Variants in JAK2 observed in about 807,000 individuals in gnomAD.
The protein encoded by JAK2 is Janus kinase 2, also known as tyrosine-protein kinase JAK2.
In JAK2, 86 loss-of-function variants were observed where a neutral mutation model predicts 139.3. That is an observed-to-expected ratio of 0.62 (90% CI 0.52 to 0.74). The LOEUF (loss-of-function observed/expected upper bound fraction) is 0.74, where lower values mean the gene tolerates loss of function less well. JAK2 is among the 30% of genes least tolerant of loss of function. The probability of loss-of-function intolerance (pLI) is 0.00; values close to 1 mark genes in which losing one functional copy is unlikely to be tolerated. For synonymous variants in JAK2, 490 were observed against 437.7 expected, an observed-to-expected ratio of 1.12 and a Z score of -1.49; for missense variants, 1,421 against 1,360.3, an observed-to-expected ratio of 1.04 and a Z score of -0.70.
At chr9:5,111,069 G>C (rs1564014590) in intron 22 of JAK2, 2 of 1,205,824 alleles carry the variant, frequency 1.7e-6, no homozygotes, top group Non-Finnish European at 2.3e-6. Context: ...TTGAGAACTG[G>C]CCCAGCTCAG....
intron 19 of JAK2, among the ~76,000 whole-genome samples, chr9:5,087,292 CAGG>C (rs1820201479): frequency 6.6e-6 from 1 of 152,138 alleles, no homozygotes; most frequent in South Asian, 2.1e-4. Context: ...TGAGTGCCAG[CAGG>C]AGAAATGCCA....
chr9:5,034,643 G>A (rs1369228348), intron 4 of JAK2, among the ~76,000 whole-genome samples: 5 of 151,836 alleles, frequency 3.3e-5, no homozygotes, highest in Non-Finnish European at 7.4e-5. Context: ...TGACTACTGG[G>A]TACATAACGA....
At chr9:5,115,960 G>C (rs912536952) in intron 22 of JAK2, among the ~76,000 whole-genome samples, 3 of 151,950 alleles carry the variant, frequency 2.0e-5, no homozygotes, top group African/African-American at 7.2e-5. Flanking sequence ...TAATGTAGTT[G>C]ATGGGTTGAT....
At chr9:5,044,584 C>A in intron 5 of JAK2, 64 bp downstream of exon 5, 2 of 1,036,164 alleles carry the variant, frequency 1.9e-6, no homozygotes, top group Non-Finnish European at 2.8e-6. Context: ...TTTAATAAGT[C>A]ACTTAATCAG....
At chr9:4,988,069 G>A (rs1360602295) in intron 2 of JAK2, among the ~76,000 whole-genome samples, 3 of 152,168 alleles carry the variant, frequency 2.0e-5, no homozygotes, top group Admixed American at 2.0e-4. Flanking sequence ...AACCCCCATT[G>A]TGTTGCCCCT....
In JAK2 at chr9:5,128,080, TTG is replaced by T. The variant is rs139964957; in HGVS notation, c.*1329_*1330del. On this transcript the variant is annotated 3_prime_UTR_variant, in exon 25 of 25. Transcript: ENST00000381652. ...TAGCTAAAATAAAATATGGTGGGTT[TTG>T]TGTGTGTGTGTGTGTGTGTGTGTGT... 66,305 of 222,870 alleles carry T rather than the reference TTG, an allele frequency of 0.3. 6,959 individuals carry two copies. Among genetic ancestry groups the T allele is most frequent in the East Asian group, 0.35 (5,603 of 16,142 alleles). 13.8% of individuals were successfully genotyped at this position (222,870 alleles called of 1,614,324 possible).
intron 2 of JAK2, among the ~76,000 whole-genome samples, chr9:5,015,625 C>T (rs1455675112): frequency 1.3e-5 from 2 of 151,644 alleles, no homozygotes; most frequent in South Asian, 2.1e-4. Context: ...ACTGCGGCCT[C>T]GGTCTCCTGG....
intron 2 of JAK2, among the ~76,000 whole-genome samples, chr9:5,001,549 G>A (rs1299616984): frequency 6.6e-6 from 1 of 151,908 alleles, no homozygotes; most frequent in Admixed American, 6.6e-5. Flanking sequence ...CTTGGTGATG[G>A]TGTTCTGACC....
At chr9:5,034,002 C>A (rs560043399) in intron 4 of JAK2, among the ~76,000 whole-genome samples, 2 of 152,116 alleles carry the variant, frequency 1.3e-5, no homozygotes, top group Non-Finnish European at 1.5e-5. Context: ...ACCCATCTCA[C>A]GTGCAGAGAC....
intron 4 of JAK2, 23 bp from the exon 5 acceptor site, chr9:5,044,380 C>T: frequency 6.8e-7 from 1 of 1,472,112 alleles, no homozygotes. Context: ...GGAAGCTGAC[C>T]AAATGTTTTT....
intron 9 of JAK2, among the ~76,000 whole-genome samples, chr9:5,066,417 A>C (rs1469954878): frequency 6.6e-6 from 1 of 152,046 alleles, no homozygotes; most frequent in Non-Finnish European, 1.5e-5. Context: ...CAAATGAACA[A>C]ATTGTTCTTT....
At chr9:4,995,133 T>C (rs760459054) in intron 2 of JAK2, among the ~76,000 whole-genome samples, 1 of 152,220 alleles carries the variant, frequency 6.6e-6, no homozygotes, top group Non-Finnish European at 1.5e-5. Flanking sequence ...ACGTGAAAAA[T>C]AGAATCTCAT....
In JAK2 at chr9:5,069,162, C is replaced by A; in HGVS notation, c.1467C>A (p.Asp489Glu). The change falls in exon 11 of 25, where the codon GAC becomes GAA. Residue 489 changes from aspartate to glutamate, a missense_variant. Asp to Glu is a conservative substitution (Grantham distance 45, BLOSUM62 2). Transcript: ENST00000381652. ...NCYQMETVRSDNIIFQFTKCC... is the reference protein window; with the variant it reads ...NCYQMETVRSENIIFQFTKCC... ...ACCAGATGGAAACTGTTCGCTCAGACAATATAATTTTCCAGTTTACTAAAT... is the reference window on the plus strand; with the variant it reads ...ACCAGATGGAAACTGTTCGCTCAGAAAATATAATTTTCCAGTTTACTAAAT... 6.2e-7 allele frequency: 1 copy of A among 1,611,072 alleles called. No individual in the cohort carries two copies. The highest frequency in any genetic ancestry group is 8.5e-7 in the Non-Finnish European group (1 of 1,178,946).
chr9:5,112,896 C>A, intron 22 of JAK2: 1 of 350,568 alleles, frequency 2.9e-6, no homozygotes, highest in Non-Finnish European at 4.9e-6. Context: ...GCCCCGTGGG[C>A]TGGGCCCAGA....
intron 22 of JAK2, chr9:5,108,150 C>T (rs936703555): frequency 6.6e-6 from 1 of 152,014 alleles, no homozygotes; most frequent in African/African-American, 2.4e-5. Context: ...TTTTATAATC[C>T]TAGCAAGCCA....
At chr9:5,049,861 G>A (rs1036895180) in intron 5 of JAK2, among the ~76,000 whole-genome samples, 1 of 152,158 alleles carries the variant, frequency 6.6e-6, no homozygotes. Flanking sequence ...GCATGTTGCT[G>A]TACTGAATAT....
chr9:5,087,656 T>A (rs894518288), intron 19 of JAK2, among the ~76,000 whole-genome samples: 1 of 152,242 alleles, frequency 6.6e-6, no homozygotes, highest in Non-Finnish European at 1.5e-5. Context: ...AAAAGTATAA[T>A]GATCATTGTT....
intron 22 of JAK2, among the ~76,000 whole-genome samples, chr9:5,117,215 T>C (rs956444583): frequency 1.3e-5 from 2 of 152,254 alleles, no homozygotes; most frequent in African/African-American, 4.8e-5. Flanking sequence ...TAAATTTCTG[T>C]TCTTTATAAA....
At chr9:5,082,886 AC>A (rs1423529860) in intron 19 of JAK2, among the ~76,000 whole-genome samples, 2 of 152,220 alleles carry the variant, frequency 1.3e-5, no homozygotes, top group Non-Finnish European at 2.9e-5. Context: ...TTACAGATTA[AC>A]AGCATCTCAG....
Sources: gnomAD v4.1 joint callset for allele counts (sites outside exome capture counted in the v4.1 genomes callset) on GRCh38, gnomAD v4.1.1 for gene constraint, MANE v1.5 for transcripts, NCBI Gene and HGNC (gene_info 2026-07-23, HGNC 2026-07-21) for gene names.